TTC6: variants seen among roughly 807,000 people sequenced by gnomAD.
TTC6 encodes tetratricopeptide repeat protein 6.
Under a neutral mutation model 210.4 loss-of-function variants are expected in TTC6, and 172 were observed. The observed-to-expected ratio is 0.82, with a 90% CI of 0.72 to 0.93. The LOEUF (loss-of-function observed/expected upper bound fraction) is 0.93, where lower values mean the gene tolerates loss of function less well. Among genes scored for constraint, TTC6 ranks in the 40% least tolerant of loss-of-function variants. The pLI, the probability that TTC6 is intolerant of heterozygous loss-of-function variation, is 0.00. For missense variants in TTC6, 2,414 were observed against 2,318.1 expected (o/e 1.04, Z -0.85); for synonymous variants, 804 against 819.6 (o/e 0.98, Z 0.32).
intron 16 of TTC6, among the ~76,000 whole-genome samples, chr14:37,791,453 A>G (rs1393240831): frequency 6.6e-6 from 1 of 152,168 alleles, no homozygotes; most frequent in Non-Finnish European, 1.5e-5. Flanking sequence ...AAGGTGTCAG[A>G]AAGAGTAACT....
intron 1 of TTC6, among the ~76,000 whole-genome samples, chr14:37,623,746 A>G (rs1205544281): frequency 6.6e-6 from 1 of 152,228 alleles, no homozygotes; most frequent in East Asian, 1.9e-4. Flanking sequence ...CATCCAAGAC[A>G]CTGAGCTGGA....
chr14:37,816,227 C>T (rs111968533), intron 25 of TTC6, among the ~76,000 whole-genome samples: 34 of 152,234 alleles, frequency 2.2e-4, no homozygotes, highest in Admixed American at 1.6e-3. Flanking sequence ...ACTAATACTG[C>T]GTCCTCCAGC....
intron 2 of TTC6, among the ~76,000 whole-genome samples, chr14:37,612,244 T>C (rs1234019000): frequency 1.3e-5 from 2 of 152,212 alleles, no homozygotes; most frequent in Non-Finnish European, 2.9e-5. Flanking sequence ...GCCCACACCA[T>C]GTAACCAATC....
At chr14:37,807,800 T>G (rs2139418642) in intron 23 of TTC6, among the ~76,000 whole-genome samples, 1 of 152,276 alleles carries the variant, frequency 6.6e-6, no homozygotes, top group East Asian at 1.9e-4. Context: ...CATATTTGTA[T>G]TCAGTCTTTT....
chr14:37,634,740 C>G (rs572429250), intron 1 of TTC6, among the ~76,000 whole-genome samples: 1 of 152,242 alleles, frequency 6.6e-6, no homozygotes, highest in South Asian at 2.1e-4. Flanking sequence ...GAGAGAGAAA[C>G]AATATGTTAA....
intron 1 of TTC6, among the ~76,000 whole-genome samples, chr14:37,657,199 C>G (rs984579329): frequency 4.0e-5 from 4 of 100,566 alleles, no homozygotes; most frequent in South Asian, 3.3e-4. Context: ...GCAACATGAG[C>G]GAAACTCTGT....
At chr14:37,622,795 G>A (rs117333192) in exon 1 of TTC6, 29,395 of 1,534,550 alleles carry the variant, frequency 0.019, 354 homozygotes, top group Non-Finnish European at 0.021. Flanking sequence ...GAAGCGGCGG[G>A]GTTAGGAGCC....
chr14:37,817,914 G>T (rs569994419), intron 26 of TTC6, among the ~76,000 whole-genome samples: 1 of 152,188 alleles, frequency 6.6e-6, no homozygotes, highest in Admixed American at 6.5e-5. Context: ...GCATTGGGCA[G>T]AGTTCACCTG....
At chr14:37,661,236 A>T (rs996231647) in intron 1 of TTC6, among the ~76,000 whole-genome samples, 1 of 151,954 alleles carries the variant, frequency 6.6e-6, no homozygotes, top group Non-Finnish European at 1.5e-5. Context: ...ATTGCTTTTC[A>T]TGTCTTTGCC....
At chr14:37,727,626 CT>C (rs1386166193) in intron 7 of TTC6, among the ~76,000 whole-genome samples, 1 of 150,810 alleles carries the variant, frequency 6.6e-6, no homozygotes, top group Non-Finnish European at 1.5e-5. Context: ...TAATTAATTT[CT>C]TCATGTTTCT....
At chr14:37,766,623 T>C (rs2096000284) in intron 14 of TTC6, among the ~76,000 whole-genome samples, 1 of 152,180 alleles carries the variant, frequency 6.6e-6, no homozygotes, top group Non-Finnish European at 1.5e-5. Context: ...GATGGGCATT[T>C]AGATTGATTC....
At chr14:37,751,584 T>G (rs1315642825) in intron 13 of TTC6, among the ~76,000 whole-genome samples, 1 of 152,078 alleles carries the variant, frequency 6.6e-6, no homozygotes, top group Non-Finnish European at 1.5e-5. Context: ...ATTTTCTACT[T>G]TTTAACTCTT....
intron 1 of TTC6, among the ~76,000 whole-genome samples, chr14:37,651,401 ATATATATATATATATATATATATATTTT>A (rs2095711117): frequency 6.7e-5 from 1 of 14,962 alleles, no homozygotes; most frequent in Non-Finnish European, 1.2e-4. Flanking sequence ...ATATATATAT[ATATATATATATATATATATATATATTTT>A]TTTTTTTTTT....
At chr14:37,695,830 T>G (rs2095813793) in intron 3 of TTC6, among the ~76,000 whole-genome samples, 1 of 152,146 alleles carries the variant, frequency 6.6e-6, no homozygotes, top group African/African-American at 2.4e-5. Context: ...ATATACCTTC[T>G]ATGTACCCAC....
intron 6 of TTC6, among the ~76,000 whole-genome samples, chr14:37,721,847 C>CATATATATAT (rs35265224): frequency 0.013 from 1,478 of 117,200 alleles, 16 homozygotes; most frequent in Non-Finnish European, 0.016. Context: ...TGAGTTTCAC[C>CATATATATAT]ATATATATAT....
In TTC6 at chr14:37,790,856, A is replaced by G. The variant is rs1566957072; in HGVS notation, c.3557+19A>G. ...TAGAAAGGTATGTTTTCCTTTTCAT[A>G]TTTATTGATTTCAGTTTTGTAAAAA... On this transcript the variant is annotated intron_variant, in intron 16 of 30. Transcript: ENST00000553443. 2 of 1,510,816 alleles carry G rather than the reference A, an allele frequency of 1.3e-6. No individual in the cohort carries two copies. Among genetic ancestry groups the G allele is most frequent in the East Asian group, 4.9e-5 (2 of 40,582 alleles). 93.6% of individuals were successfully genotyped at this position (1,510,816 alleles called of 1,614,324 possible).
Position 37,751,082 on chromosome 14 carries a change from A to AG in TTC6, c.2990dup (p.Asp1000ArgfsTer14). 1 of 1,523,184 alleles carries AG rather than the reference A, an allele frequency of 6.6e-7. No homozygotes were observed. Among genetic ancestry groups the AG allele is most frequent in the Non-Finnish European group, 8.8e-7 (1 of 1,140,260 alleles). The allele number at this position is 1,523,184 out of a possible 1,614,324, so 94.4% of individuals were successfully genotyped here. ...ATATTTGTCAAAAGCAGAAATTTAC[A>AG]GGGGAAAAAAAGACATAACTTTGGC... On this transcript the variant is annotated frameshift_variant, in exon 13 of 31. Coordinates refer to ENST00000553443, the Ensembl canonical transcript of TTC6. LOFTEE classifies it high-confidence loss of function.
At chr14:37,648,507 CT>C (rs920831666) in intron 1 of TTC6, among the ~76,000 whole-genome samples, 4 of 151,340 alleles carry the variant, frequency 2.6e-5, no homozygotes, top group African/African-American at 4.9e-5. Context: ...ATTGTGTATT[CT>C]TTTTTTTTCT....
upstream of TTC6, among the ~76,000 whole-genome samples, chr14:37,617,812 T>C (rs1202058269): frequency 6.6e-6 from 1 of 152,226 alleles, no homozygotes; most frequent in African/African-American, 2.4e-5. Flanking sequence ...GTACTGTGCA[T>C]TGGAAATTGA....
Sources: allele counts gnomAD v4.1 joint callset (sites outside exome capture counted in the v4.1 genomes callset), GRCh38; gene constraint gnomAD v4.1.1; transcripts MANE v1.5; gene names NCBI Gene and HGNC (gene_info 2026-07-23, HGNC 2026-07-21).